Variants in FBXL7 observed in about 807,000 individuals in gnomAD.
FBXL7 encodes the protein F-box and leucine rich repeat protein 7, also known as F-box/LRR-repeat protein 7.
A neutral mutation model predicts 38.3 loss-of-function variants in FBXL7; 12 were observed. That is an observed-to-expected ratio of 0.31 (90% CI 0.20 to 0.51). The LOEUF (loss-of-function observed/expected upper bound fraction) is 0.51, where lower values mean the gene tolerates loss of function less well. FBXL7 is among the 20% of genes least tolerant of loss of function. The pLI is 0.98. For synonymous variants in FBXL7, 297 were observed against 300.9 expected (o/e 0.99, Z 0.13); for missense variants, 567 against 676.4 (o/e 0.84, Z 1.79).
intron 2 of FBXL7, among the ~76,000 whole-genome samples, chr5:15,694,566 C>G (rs1392908544): frequency 6.6e-6 from 1 of 152,082 alleles, no homozygotes; most frequent in Admixed American, 6.6e-5. Context: ...AGTCAGCTTC[C>G]AGGAGCACAA....
chr5:15,627,925 A>G (rs1740872022), intron 2 of FBXL7, among the ~76,000 whole-genome samples: 1 of 152,190 alleles, frequency 6.6e-6, no homozygotes, highest in Admixed American at 6.5e-5. Context: ...TAATTAACAA[A>G]TCAGCAGAGA....
At chr5:15,541,429 A>G (rs1200285962) in intron 1 of FBXL7, among the ~76,000 whole-genome samples, 3 of 93,908 alleles carry the variant, frequency 3.2e-5, no homozygotes, top group African/African-American at 1.4e-4. Flanking sequence ...CATATAGTAT[A>G]TATGTGTGTG....
chr5:15,714,906 T>C (rs1253145480), intron 2 of FBXL7, among the ~76,000 whole-genome samples: 4 of 148,742 alleles, frequency 2.7e-5, no homozygotes, highest in Non-Finnish European at 5.9e-5. Flanking sequence ...GACATCCTGA[T>C]GACAGAAGTA....
At chr5:15,721,003 G>T (rs975299682) in intron 2 of FBXL7, among the ~76,000 whole-genome samples, 10 of 152,116 alleles carry the variant, frequency 6.6e-5, no homozygotes, top group African/African-American at 2.4e-4. Context: ...CAATAGTGAT[G>T]TTTGACTTTA....
intron 2 of FBXL7, among the ~76,000 whole-genome samples, chr5:15,684,711 G>C (rs900180617): frequency 6.6e-6 from 1 of 152,170 alleles, no homozygotes; most frequent in African/African-American, 2.4e-5. Context: ...GTCAAAGTCA[G>C]AGATAGGCTC....
chr5:15,929,639 A>G (rs1188226826), intron 3 of FBXL7, among the ~76,000 whole-genome samples: 5 of 151,686 alleles, frequency 3.3e-5, no homozygotes, highest in Non-Finnish European at 2.9e-5. Flanking sequence ...AAAAAAAAAA[A>G]AAAAAAGAAA....
intron 2 of FBXL7, among the ~76,000 whole-genome samples, chr5:15,621,315 G>A (rs1403768515): frequency 6.6e-6 from 1 of 152,096 alleles, no homozygotes; most frequent in East Asian, 1.9e-4. Flanking sequence ...GTAGAAGGCT[G>A]GAAATTTTCC....
chr5:15,888,867 A>G (rs933948468), intron 2 of FBXL7, among the ~76,000 whole-genome samples: 12 of 152,218 alleles, frequency 7.9e-5, no homozygotes, highest in African/African-American at 2.7e-4. Flanking sequence ...GATATATTTA[A>G]AGAGATAATC....
chr5:15,876,146 A>G (rs1045758722), intron 2 of FBXL7, among the ~76,000 whole-genome samples: 3 of 151,844 alleles, frequency 2.0e-5, no homozygotes, highest in Non-Finnish European at 4.4e-5. Flanking sequence ...GCAAACTAAC[A>G]GAACAGAAAA....
At chr5:15,838,566 A>G (rs1738652881) in intron 2 of FBXL7, among the ~76,000 whole-genome samples, 1 of 152,226 alleles carries the variant, frequency 6.6e-6, no homozygotes, top group Non-Finnish European at 1.5e-5. Flanking sequence ...CACACCCTAG[A>G]CGGATATTGA....
chr5:15,725,548 T>C (rs1198103074), intron 2 of FBXL7, among the ~76,000 whole-genome samples: 2 of 152,232 alleles, frequency 1.3e-5, no homozygotes, highest in Non-Finnish European at 2.9e-5. Flanking sequence ...GAGATTTAGT[T>C]TGTGGTCTAT....
At chr5:15,785,527 CT>C (rs367560513) in intron 2 of FBXL7, among the ~76,000 whole-genome samples, 64 of 152,336 alleles carry the variant, frequency 4.2e-4, no homozygotes, top group African/African-American at 1.5e-3. Flanking sequence ...AGAATAGTGC[CT>C]TCGCCCTTTC....
intron 2 of FBXL7, among the ~76,000 whole-genome samples, chr5:15,631,779 A>AT (rs1741007618): frequency 6.6e-6 from 1 of 151,264 alleles, no homozygotes; most frequent in South Asian, 2.1e-4. Flanking sequence ...TTAGGGTGGG[A>AT]TAAAAAATGG....
intron 1 of FBXL7, among the ~76,000 whole-genome samples, chr5:15,509,792 T>C (rs1167862247): frequency 6.6e-6 from 1 of 152,218 alleles, no homozygotes; most frequent in African/African-American, 2.4e-5. Context: ...GACCATGGTA[T>C]GCTTTAGCAA....
chr5:15,928,042 AC>A lies in FBXL7; in HGVS notation c.283del (p.Arg95AlafsTer20). On this transcript the variant is annotated frameshift_variant, in exon 3 of 4. Coordinates refer to ENST00000504595, the MANE Select transcript of FBXL7 (RefSeq NM_012304.5). LOFTEE classifies it high-confidence loss of function. This position sits in a 1 kb window ranked among gnomAD's most constrained non-coding sequence, Gnocchi z 4.0. ...TVAMVHSPPP[T>X]RLTHPLIRLA... ...GGCCATGGTGCACTCCCCGCCCCCG[AC>A]CCGCCTCACACACCCGCTCATCCGG... 1 of 386,350 alleles carries A rather than the reference AC, an allele frequency of 2.6e-6. No homozygotes were observed. The highest frequency in any genetic ancestry group is 6.8e-5 in the East Asian group (1 of 14,744). The allele number at this position is 386,350 out of a possible 1,614,324, so 23.9% of individuals were successfully genotyped here.
In FBXL7 at chr5:15,529,227, G is replaced by A. The variant is rs534014607; in HGVS notation, c.37+28514G>A. On this transcript the variant is annotated intron_variant, in intron 1 of 3. Coordinates refer to ENST00000504595, the MANE Select transcript of FBXL7 (RefSeq NM_012304.5). ...AACATAATATTCTCCAAGTTTATTC[G>A]TGTTGTCACGAATGACAGGATTGCA... Among the ~76,000 whole-genome samples, 7 of 152,188 alleles carry A rather than the reference G, an allele frequency of 4.6e-5. No individual in the cohort carries two copies. The East Asian group carries it at 5.8e-4, about 13-fold the overall frequency.
At chr5:15,764,001 G>A (rs1416587561) in intron 2 of FBXL7, among the ~76,000 whole-genome samples, 1 of 152,200 alleles carries the variant, frequency 6.6e-6, no homozygotes, top group African/African-American at 2.4e-5. Flanking sequence ...TGAGAACTTA[G>A]AGGACTGCTG....
Position 15,598,950 on chromosome 5 carries a change from G to T in FBXL7, c.38-17033G>T, listed in dbSNP as rs571979457. Among the ~76,000 whole-genome samples the T allele has an allele frequency of 2.0e-5, 3 of 152,302 alleles. No homozygotes were observed. The East Asian group carries it at 5.8e-4, about 29-fold the overall frequency. ...GAATTGAGGGCAATTGCTGCATTCA[G>T]TGTACTCTCGTAGCTCCTCCTTCCT... On this transcript the variant is annotated intron_variant, in intron 1 of 3. Coordinates refer to ENST00000504595, the MANE Select transcript of FBXL7 (RefSeq NM_012304.5).
intron 1 of FBXL7, among the ~76,000 whole-genome samples, chr5:15,574,865 A>T (rs1051787908): frequency 2.0e-5 from 3 of 152,208 alleles, no homozygotes; most frequent in Admixed American, 2.0e-4. Context: ...AAATTGATCT[A>T]TTGGAAGCAG....
Sources: allele counts gnomAD v4.1 joint callset (sites outside exome capture counted in the v4.1 genomes callset), GRCh38; gene constraint gnomAD v4.1.1; non-coding constraint Gnocchi (gnomAD v3.1); transcripts MANE v1.5; gene names NCBI Gene and HGNC (gene_info 2026-07-23, HGNC 2026-07-21).